Variants in ANO10 observed in about 807,000 individuals in gnomAD.
ANO10 encodes anoctamin-10.
A neutral mutation model predicts 74.7 loss-of-function variants in ANO10; 77 were observed. The ratio of observed to expected loss-of-function variants is 1.03; its 90% confidence interval spans 0.86 to 1.25. The LOEUF (loss-of-function observed/expected upper bound fraction) is 1.25, where lower values mean the gene tolerates loss of function less well. Ranked by LOEUF, ANO10 falls within the 50% of genes most tolerant of loss-of-function variation. The pLI is 0.00. For missense variants in ANO10, 721 were observed against 778.1 expected, an observed-to-expected ratio of 0.93 and a Z score of 0.87; for synonymous variants, 279 against 284.9, an observed-to-expected ratio of 0.98 and a Z score of 0.21.
chr3:43,651,982 T>C (rs1002284736), intron 1 of ANO10, among the ~76,000 whole-genome samples: 59 of 152,064 alleles, frequency 3.9e-4, no homozygotes, highest in African/African-American at 1.4e-3. Flanking sequence ...CAAAGCAGAG[T>C]TCCTTTTTAA....
chr3:43,413,087 G>A (rs577161496), intron 12 of ANO10, among the ~76,000 whole-genome samples: 1 of 152,228 alleles, frequency 6.6e-6, no homozygotes, highest in East Asian at 1.9e-4. Context: ...CAATCTCTAT[G>A]TGGCAGGAAA....
chr3:43,394,541 C>T (rs2092341221), intron 12 of ANO10, among the ~76,000 whole-genome samples: 1 of 152,184 alleles, frequency 6.6e-6, no homozygotes, highest in Non-Finnish European at 1.5e-5. Context: ...CCTAGATCTT[C>T]TCTTCCAGTA....
upstream of ANO10, among the ~76,000 whole-genome samples, chr3:43,625,178 A>AG (rs1353031865): frequency 6.6e-6 from 1 of 152,158 alleles, no homozygotes; most frequent in Admixed American, 6.5e-5. Flanking sequence ...ACGGAGGGAG[A>AG]GAAAAAAAGG....
At position 43,621,973 on chromosome 3, in the gene ANO10, G is replaced by A. The variant is rs529146203; in HGVS notation, c.-76C>T. 1.2e-4 allele frequency: 18 copies of A among 152,730 alleles called. No individual in the cohort carries two copies. The highest frequency in any genetic ancestry group is 4.3e-4 in the African/African-American group (18 of 41,578). The allele number at this position is 152,730 out of a possible 1,614,324, so 9.5% of individuals were successfully genotyped here. Reference sequence around the variant, plus strand: ...AGAGCCGGCGAGAACCGGAGGCCGGGCGAAAGAGTGCTCGGTGCGGGGGGC... The same window carrying A: ...AGAGCCGGCGAGAACCGGAGGCCGGACGAAAGAGTGCTCGGTGCGGGGGGC... On this transcript the variant is annotated 5_prime_UTR_variant, in exon 1 of 13. Transcript: ENST00000292246.
intron 1 of ANO10, among the ~76,000 whole-genome samples, chr3:43,663,830 T>G (rs1158584557): frequency 9.2e-5 from 14 of 152,120 alleles, no homozygotes. Context: ...ACAAGAGATG[T>G]GAAGGACCTC....
At chr3:43,505,325 A>T (rs2077254373) in intron 11 of ANO10, among the ~76,000 whole-genome samples, 1 of 152,220 alleles carries the variant, frequency 6.6e-6, no homozygotes, top group Non-Finnish European at 1.5e-5. Flanking sequence ...CTATGAGAAA[A>T]TAAGATTCAA....
intron 11 of ANO10, among the ~76,000 whole-genome samples, chr3:43,440,729 C>T (rs1211650662): frequency 6.6e-6 from 1 of 152,018 alleles, no homozygotes; most frequent in African/African-American, 2.4e-5. Context: ...GAACACTCTA[C>T]CCAGTAATAA....
intron 10 of ANO10, among the ~76,000 whole-genome samples, chr3:43,553,391 C>G (rs571133810): frequency 7.2e-5 from 11 of 152,042 alleles, no homozygotes; most frequent in Non-Finnish European, 1.2e-4. Flanking sequence ...TATTCAAGTA[C>G]TTTTTGGGCC....
At chr3:43,572,232 C>T (rs553803779) in intron 7 of ANO10, among the ~76,000 whole-genome samples, 2 of 152,118 alleles carry the variant, frequency 1.3e-5, no homozygotes, top group Admixed American at 6.5e-5. Context: ...GGAAATCAAT[C>T]AGGACCCCCC....
At chr3:43,433,159 C>G (rs2093015913) in intron 11 of ANO10, among the ~76,000 whole-genome samples, 1 of 151,794 alleles carries the variant, frequency 6.6e-6, no homozygotes, top group African/African-American at 2.4e-5. Context: ...GTTGGTCAGA[C>G]TGGTCTCAAA....
chr3:43,445,434 T>C (rs2093230993), intron 11 of ANO10, among the ~76,000 whole-genome samples: 1 of 152,198 alleles, frequency 6.6e-6, no homozygotes, highest in Non-Finnish European at 1.5e-5. Context: ...AACTTTTCTG[T>C]AATCTAAAAC....
intron 11 of ANO10, among the ~76,000 whole-genome samples, chr3:43,507,639 C>T (rs560802914): frequency 6.6e-6 from 1 of 152,024 alleles, no homozygotes; most frequent in East Asian, 1.9e-4. Context: ...ACTGGTAGGC[C>T]CAGTGACCAG....
chr3:43,643,677 T>C (rs1233697605), intron 1 of ANO10, among the ~76,000 whole-genome samples: 1 of 141,364 alleles, frequency 7.1e-6, no homozygotes, highest in Non-Finnish European at 1.5e-5. Context: ...CTTGTCCTCA[T>C]CTTTTCTTTT....
At chr3:43,568,416 A>C (rs1350386520) in intron 7 of ANO10, among the ~76,000 whole-genome samples, 7 of 152,188 alleles carry the variant, frequency 4.6e-5, no homozygotes. Flanking sequence ...CTATTCCAAA[A>C]TTGACCACAT....
At chr3:43,532,378 C>T (rs1238305876) in intron 11 of ANO10, among the ~76,000 whole-genome samples, 1 of 152,144 alleles carries the variant, frequency 6.6e-6, no homozygotes, top group Non-Finnish European at 1.5e-5. Context: ...TATGAAAACA[C>T]AGGTAGGTGT....
chr3:43,436,150 T>C (rs932228370), intron 11 of ANO10, among the ~76,000 whole-genome samples: 1 of 152,150 alleles, frequency 6.6e-6, no homozygotes, highest in Non-Finnish European at 1.5e-5. Flanking sequence ...TTTCAAAAGG[T>C]CAATTTTTTG....
At chr3:43,580,563 G>A in intron 4 of ANO10, 91 bp from the exon 5 acceptor site, 3 of 1,512,812 alleles carry the variant, frequency 2.0e-6, no homozygotes, top group Non-Finnish European at 1.8e-6. Context: ...ACTCCACAGA[G>A]GAGTACAACG....
At chr3:43,412,286 C>T (rs995215192) in intron 12 of ANO10, among the ~76,000 whole-genome samples, 13 of 152,128 alleles carry the variant, frequency 8.5e-5, no homozygotes, top group Middle Eastern at 3.4e-3. Context: ...GCTTGACAGG[C>T]GTGTGTGGGG....
chr3:43,422,410 C>T (rs2092833824), intron 12 of ANO10, among the ~76,000 whole-genome samples: 1 of 152,214 alleles, frequency 6.6e-6, no homozygotes, highest in African/African-American at 2.4e-5. Flanking sequence ...CCACCGCGCC[C>T]ACCCTTTTTT....
Sources: allele counts gnomAD v4.1 joint callset (sites outside exome capture counted in the v4.1 genomes callset), GRCh38; gene constraint gnomAD v4.1.1; transcripts MANE v1.5; gene names NCBI Gene and HGNC (gene_info 2026-07-23, HGNC 2026-07-21).